The following GSE1 variants were observed in gnomAD, a reference collection of about 807,000 sequenced individuals.
GSE1 encodes genetic suppressor element 1.
A neutral mutation model predicts 112.6 loss-of-function variants in GSE1; 32 were observed. The ratio of observed to expected loss-of-function variants is 0.28; its 90% CI spans 0.21 to 0.38. The LOEUF is 0.38. Among genes scored for constraint, GSE1 ranks in the 10% least tolerant of loss-of-function variants. The pLI is 1.00. For missense variants in GSE1, 2,348 were observed against 1,699.2 expected (o/e 1.38, Z -6.71); for synonymous variants, 1,115 against 735.6 (o/e 1.52, Z -8.35).
At chr16:85,394,148 G>GT (rs1366172244) in intron 2 of GSE1, among the ~76,000 whole-genome samples, 3 of 151,924 alleles carry the variant, frequency 2.0e-5, no homozygotes, top group Non-Finnish European at 4.4e-5. Context: ...AGGCTCAGCC[G>GT]TGACTGCTGA....
At chr16:85,512,259 A>G (rs766907260) in intron 2 of GSE1, among the ~76,000 whole-genome samples, 3 of 152,154 alleles carry the variant, frequency 2.0e-5, no homozygotes, top group South Asian at 4.1e-4. Flanking sequence ...TATTCACCGC[A>G]GCTGTGACCC....
chr16:85,642,167 C>G (rs553908635), intron 2 of GSE1, among the ~76,000 whole-genome samples: 1 of 152,340 alleles, frequency 6.6e-6, no homozygotes, highest in African/African-American at 2.4e-5. Context: ...GAGCTGGGAG[C>G]TGAGCATGAT....
intron 1 of GSE1, among the ~76,000 whole-genome samples, chr16:85,237,792 C>G (rs1429447397): frequency 2.0e-5 from 3 of 150,882 alleles, no homozygotes; most frequent in Non-Finnish European, 4.4e-5. Context: ...GAGCCAAGAT[C>G]GCGCCACCGC....
chr16:85,591,547 C>T (rs1202610953), intron 1 of GSE1, among the ~76,000 whole-genome samples: 2 of 152,216 alleles, frequency 1.3e-5, no homozygotes, highest in African/African-American at 2.4e-5. Flanking sequence ...GGGAGGGGTC[C>T]TGGAGGCAGT....
chr16:85,440,732 G>A (rs1381288425), intron 2 of GSE1, among the ~76,000 whole-genome samples: 3 of 152,236 alleles, frequency 2.0e-5, no homozygotes, highest in African/African-American at 7.2e-5. Context: ...CATCACGGGG[G>A]CACAGCGCGG....
chr16:85,206,792 G>A lies in GSE1; in HGVS notation c.2283+34985G>A, dbSNP rs988219035. ...GCCAGGATGGAGGTGCTGGCCCCCC[G>A]CCAGGATGGAGGTGCTGGCCCCCCG... On this transcript the variant is annotated intron_variant, in intron 1 of 2. Coordinates refer to the GSE1 transcript ENST00000637419. Among the ~76,000 whole-genome samples, 12 of 152,168 alleles carry A rather than the reference G, an allele frequency of 7.9e-5. No homozygotes were observed. In the South Asian group the frequency reaches 1.0e-3, roughly 13 times the overall value.
intron 1 of GSE1, among the ~76,000 whole-genome samples, chr16:85,628,673 C>T (rs1598441681): frequency 6.6e-6 from 1 of 152,206 alleles, no homozygotes; most frequent in South Asian, 2.1e-4. Flanking sequence ...GACTTCGTGC[C>T]GTCGAGCCGC....
chr16:85,407,758 A>T (rs77614410), intron 2 of GSE1, among the ~76,000 whole-genome samples: 8 of 11,162 alleles, frequency 7.2e-4, no homozygotes, highest in South Asian at 5.3e-3. Context: ...TCATTGTTAC[A>T]CTCAGGGCCC....
intron 1 of GSE1, among the ~76,000 whole-genome samples, chr16:85,620,108 A>G (rs1466951930): frequency 6.6e-6 from 1 of 152,108 alleles, no homozygotes; most frequent in Non-Finnish European, 1.5e-5. Flanking sequence ...CCTCCTCTCT[A>G]CAAAAAATAA....
In GSE1 at chr16:85,339,083, C is replaced by G. The variant is rs141115096; in HGVS notation, c.2284-18380C>G. Among the ~76,000 whole-genome samples, 198 of 152,282 alleles carry G rather than the reference C, an allele frequency of 1.3e-3. 1 individual carries two copies. Among genetic ancestry groups the G allele is most frequent in the African/African-American group, 4.5e-3 (186 of 41,570 alleles). ...GCAGGTGGATGCCCCCAACCCTGCTCTCTTCCCCTGAACCTTTGCTGTCAC... is the reference window on the plus strand; with the variant it reads ...GCAGGTGGATGCCCCCAACCCTGCTGTCTTCCCCTGAACCTTTGCTGTCAC... On this transcript the variant is annotated intron_variant, in intron 1 of 2. Transcript: ENST00000637419.
intron 1 of GSE1, among the ~76,000 whole-genome samples, chr16:85,567,846 C>T (rs896180944): frequency 2.6e-5 from 4 of 152,188 alleles, no homozygotes; most frequent in African/African-American, 9.7e-5. Context: ...CCTCAGCCTC[C>T]CAAGTAGCTG....
chr16:85,181,734 C>T (rs997085465), intron 1 of GSE1, among the ~76,000 whole-genome samples: 1 of 152,120 alleles, frequency 6.6e-6, no homozygotes, highest in African/African-American at 2.4e-5. Flanking sequence ...GGCCTCCACA[C>T]TTCCAGACAC....
chr16:85,431,140 T>C (rs6564119), intron 2 of GSE1, among the ~76,000 whole-genome samples: 87,696 of 152,002 alleles, frequency 0.58, 27,211 homozygotes, highest in Non-Finnish European at 0.7. Flanking sequence ...TGCACCAAGC[T>C]CCAGGGGTGT....
At chr16:85,417,442 G>A (rs554912053) in intron 2 of GSE1, among the ~76,000 whole-genome samples, 1 of 151,392 alleles carries the variant, frequency 6.6e-6, no homozygotes, top group South Asian at 2.1e-4. Flanking sequence ...CCTGCAGCCT[G>A]GAGAGGGTCA....
At chr16:85,503,519 G>A (rs948508479) in intron 2 of GSE1, among the ~76,000 whole-genome samples, 24 of 152,218 alleles carry the variant, frequency 1.6e-4, no homozygotes, top group African/African-American at 4.6e-4. Flanking sequence ...GGCGAGGGGA[G>A]CGGGGCCTCT....
intron 2 of GSE1, among the ~76,000 whole-genome samples, chr16:85,441,312 G>A (rs987824548): frequency 6.6e-6 from 1 of 152,102 alleles, no homozygotes; most frequent in African/African-American, 2.4e-5. Context: ...CCGCTGGGGG[G>A]CACAGTCACC....
chr16:85,330,267 A>G (rs1597404272), intron 1 of GSE1, among the ~76,000 whole-genome samples: 2 of 152,300 alleles, frequency 1.3e-5, no homozygotes, highest in South Asian at 4.1e-4. Flanking sequence ...ATGGAAGCTG[A>G]TGCTGCAGGA....
intron 1 of GSE1, among the ~76,000 whole-genome samples, chr16:85,227,990 G>T (rs2075517926): frequency 1.3e-5 from 2 of 152,184 alleles, no homozygotes; most frequent in African/African-American, 4.8e-5. Flanking sequence ...GAGGGGGTGT[G>T]GTGGGGAGCA....
chr16:85,487,801 G>C (rs2050889597), intron 2 of GSE1, among the ~76,000 whole-genome samples: 1 of 152,262 alleles, frequency 6.6e-6, no homozygotes, highest in South Asian at 2.1e-4. Context: ...GGAGCTCAAG[G>C]CAGGCATCTG....
Sources: gnomAD v4.1 joint callset for allele counts (sites outside exome capture counted in the v4.1 genomes callset) on GRCh38, gnomAD v4.1.1 for gene constraint, MANE v1.5 for transcripts, NCBI Gene and HGNC (gene_info 2026-07-23, HGNC 2026-07-21) for gene names.